Variants in S100A13 observed in about 807,000 individuals in gnomAD.
S100A13 encodes the protein protein S100-A13.
In S100A13, 6 loss-of-function variants were observed where a neutral mutation model predicts 8.2. The observed-to-expected ratio is 0.73, with a 90% confidence interval of 0.40 to 1.44. The LOEUF is 1.44. S100A13 is among the 40% of genes most tolerant of loss of function. The probability of loss-of-function intolerance (pLI) is 0.02; values close to 1 mark genes in which losing one functional copy is unlikely to be tolerated. For synonymous variants in S100A13, 39 were observed against 45.9 expected, an observed-to-expected ratio of 0.85 and a Z score of 0.61; for missense variants, 114 against 113.6, an observed-to-expected ratio of 1.00 and a Z score of -0.02.
At chr1:153,630,077 C>T (rs41265183), upstream of S100A13, 12,343 of 202,622 alleles carry the variant, frequency 0.061, 549 homozygotes, top group Non-Finnish European at 0.085. Context: ...AGCCCACCAC[C>T]CTCAACAGCA....
chr1:153,627,416 G>C (rs1312370446), intron 1 of S100A13, 67 bp downstream of exon 1: 2 of 152,578 alleles, frequency 1.3e-5, no homozygotes, highest in East Asian at 3.9e-4. Flanking sequence ...CTCTGGGGGA[G>C]GGACCTGGGA....
upstream of S100A13, chr1:153,627,870 C>A: frequency 1.5e-6 from 1 of 688,926 alleles, no homozygotes; most frequent in Non-Finnish European, 2.4e-6. Flanking sequence ...CAATCTGAGA[C>A]ACACACAGAG....
At chr1:153,620,105 G>T (rs1667138713) in intron 2 of S100A13, among the ~76,000 whole-genome samples, 1 of 152,058 alleles carries the variant, frequency 6.6e-6, no homozygotes, top group Non-Finnish European at 1.5e-5. Context: ...TGGCCAACAT[G>T]GTGAAACCCT....
chr1:153,632,462 G>A (rs56104587), upstream of S100A13, among the ~76,000 whole-genome samples: 407 of 151,828 alleles, frequency 2.7e-3, no homozygotes, highest in Non-Finnish European at 4.2e-3. Flanking sequence ...TAGTACAGAC[G>A]GGGTTTCACC....
At chr1:153,622,631 A>G (rs1019276952) in intron 2 of S100A13, among the ~76,000 whole-genome samples, 10 of 152,196 alleles carry the variant, frequency 6.6e-5, no homozygotes, top group Admixed American at 2.0e-4. Flanking sequence ...GGGCAATATA[A>G]TGAGGCCCTG....
chr1:153,627,918 C>T, upstream of S100A13: 3 of 1,040,918 alleles, frequency 2.9e-6, no homozygotes, highest in East Asian at 2.6e-5. Flanking sequence ...ATGCTACAGA[C>T]CAAGATCCCT....
chr1:153,626,829 G>T (rs988392481), intron 1 of S100A13: 7 of 182,964 alleles, frequency 3.8e-5, no homozygotes, highest in African/African-American at 1.4e-4. Flanking sequence ...CCCTCGATCT[G>T]GAGACCCCTC....
upstream of S100A13, chr1:153,629,719 C>G (rs558570089): frequency 6.6e-6 from 1 of 152,406 alleles, no homozygotes; most frequent in Admixed American, 6.5e-5. Context: ...AGGGACAACG[C>G]CTGCAGGTCT....
upstream of S100A13, chr1:153,631,686 C>T: frequency 1.2e-6 from 2 of 1,614,154 alleles, no homozygotes; most frequent in Non-Finnish European, 1.7e-6. Context: ...TCTTCCTCTC[C>T]TCCCACCACA....
intron 2 of S100A13, among the ~76,000 whole-genome samples, chr1:153,620,139 T>A (rs1419174749): frequency 6.6e-6 from 1 of 151,998 alleles, no homozygotes; most frequent in Admixed American, 6.6e-5. Flanking sequence ...ATACAAAAAT[T>A]AGCCAGATAT....
Position 153,618,808 on chromosome 1 carries a change from C to G in S100A13, c.*87G>C. On this transcript the variant is annotated 3_prime_UTR_variant, in exon 3 of 3. Transcript: ENST00000476133. ...GTGTAAGTAAGAAACATTTGTGTTT[C>G]AAGGAGGAAGCTTTATTTGGGAAGA... is the stretch of plus-strand genomic sequence containing the variant. 1 of 1,297,062 alleles carries G rather than the reference C, an allele frequency of 7.7e-7. No individual in the cohort carries two copies. The highest frequency in any genetic ancestry group is 1.1e-6 in the Non-Finnish European group (1 of 933,280). The allele number at this position is 1,297,062 out of a possible 1,614,324, so 80.3% of individuals were successfully genotyped here.
At chr1:153,633,180 AAG>A (rs564757577), upstream of S100A13, 2 of 152,004 alleles carry the variant, frequency 1.3e-5, no homozygotes, top group African/African-American at 2.4e-5. Flanking sequence ...AAAAAAAAGA[AAG>A]AGAGAAAAAT....
chr1:153,628,398 G>C, upstream of S100A13: 1 of 1,550,056 alleles, frequency 6.5e-7, no homozygotes, highest in Non-Finnish European at 8.7e-7. Flanking sequence ...GCGGGGGAGG[G>C]ACTGTTGAAG....
At chr1:153,622,356 G>A (rs895339738) in intron 2 of S100A13, among the ~76,000 whole-genome samples, 2 of 152,174 alleles carry the variant, frequency 1.3e-5, no homozygotes, top group Non-Finnish European at 2.9e-5. Flanking sequence ...GGGTGAAAGA[G>A]CAAGATCCTT....
chr1:153,623,166 A>G (rs1004986798), intron 2 of S100A13, among the ~76,000 whole-genome samples: 2 of 152,154 alleles, frequency 1.3e-5, no homozygotes, highest in Non-Finnish European at 2.9e-5. Context: ...GGACACAAGA[A>G]AGAGAGGAGT....
chr1:153,631,389 T>C, upstream of S100A13: 15 of 1,359,676 alleles, frequency 1.1e-5, no homozygotes, highest in South Asian at 2.7e-5. Flanking sequence ...TAATGAAACA[T>C]ACCTCACATT....
At chr1:153,632,166 T>C (rs28709612), upstream of S100A13, 2 of 248,562 alleles carry the variant, frequency 8.0e-6, no homozygotes, top group Non-Finnish European at 1.5e-5. Flanking sequence ...TCTTCCTACT[T>C]GAGGAATGCT....
upstream of S100A13, chr1:153,631,172 C>A (rs41302536): frequency 8.1e-4 from 302 of 372,674 alleles, no homozygotes; most frequent in African/African-American, 5.9e-3. Flanking sequence ...TTTCATTCAA[C>A]TGGCATGAAG....
chr1:153,630,468 G>T (rs775178996), upstream of S100A13: 7 of 1,604,406 alleles, frequency 4.4e-6, no homozygotes, highest in Admixed American at 1.2e-4. Context: ...CAGGTACTCC[G>T]GGCCTGGTCC....
Sources: gnomAD v4.1 joint callset for allele counts (sites outside exome capture counted in the v4.1 genomes callset) on GRCh38, gnomAD v4.1.1 for gene constraint, MANE v1.5 for transcripts, NCBI Gene and HGNC (gene_info 2026-07-23, HGNC 2026-07-21) for gene names.